The following TMPRSS15 variants were observed in gnomAD, a reference collection of about 807,000 sequenced individuals.
TMPRSS15 encodes transmembrane serine protease 15.
A neutral mutation model predicts 125.3 loss-of-function variants in TMPRSS15; 128 were observed. The ratio of observed to expected loss-of-function variants is 1.02; its 90% CI spans 0.89 to 1.18. The LOEUF is 1.18. TMPRSS15 is among the 50% of genes most tolerant of loss of function. The pLI, the probability that TMPRSS15 is intolerant of heterozygous loss-of-function variation, is 0.00. For missense variants in TMPRSS15, 1,283 were observed against 1,212.7 expected, an observed-to-expected ratio of 1.06 and a Z score of -0.86; for synonymous variants, 446 against 423.2, an observed-to-expected ratio of 1.05 and a Z score of -0.66.
rs540692575 is a variant in TMPRSS15, at chr21:18,275,384, G to T, written c.2765-48C>A. On this transcript the variant is annotated intron_variant, in intron 23 of 24. Transcript: ENST00000284885. Reference sequence around the variant, plus strand: ...CCAGCCAGTCAGAAGTGATCAACATGCATCCTTGAATGAACTACCATCAGT... The same window carrying T: ...CCAGCCAGTCAGAAGTGATCAACATTCATCCTTGAATGAACTACCATCAGT... 7.5e-6 allele frequency: 12 copies of T among 1,608,986 alleles called. 1 individual carries two copies. In the South Asian group the frequency reaches 1.3e-4, roughly 18 times the overall value.
At chr21:18,273,830 C>T (rs1199910048) in intron 24 of TMPRSS15, among the ~76,000 whole-genome samples, 4 of 152,122 alleles carry the variant, frequency 2.6e-5, no homozygotes, top group Non-Finnish European at 2.9e-5. Flanking sequence ...CTTGAATTTG[C>T]AAGCATTTAT....
intron 24 of TMPRSS15, 142 bp from the exon 25 acceptor site, chr21:18,270,266 A>C: frequency 3.0e-6 from 2 of 658,336 alleles, no homozygotes; most frequent in East Asian, 3.2e-5. Context: ...ATATATTCTC[A>C]CTTTCACTCT....
intron 13 of TMPRSS15, among the ~76,000 whole-genome samples, chr21:18,339,692 T>G (rs2146982677): frequency 6.6e-6 from 1 of 152,070 alleles, no homozygotes; most frequent in Non-Finnish European, 1.5e-5. Flanking sequence ...AAGCATTGTT[T>G]TTTTTGCATA....
At chr21:18,438,425 AT>A (rs1465303684) in intron 1 of TMPRSS15, among the ~76,000 whole-genome samples, 2 of 152,070 alleles carry the variant, frequency 1.3e-5, no homozygotes, top group Non-Finnish European at 2.9e-5. Context: ...ATGTATACAT[AT>A]GTAACTAACC....
Position 18,278,924 on chromosome 21 carries a change from G to GTTTT in TMPRSS15, c.2764+36_2764+39dup, listed in dbSNP as rs59972471. 3,419 of 439,300 alleles carry GTTTT rather than the reference G, an allele frequency of 7.8e-3. 37 individuals carry two copies. The highest frequency in any genetic ancestry group is 0.012 in the South Asian group (584 of 47,530). The allele number at this position is 439,300 out of a possible 1,614,324, so 27.2% of individuals were successfully genotyped here. ...TGACAGTCTGTTTTTCACCAGTAAG[G>GTTTT]TTTTTTTTTTTTTTTTTTTTTTTGA... On this transcript the variant is annotated intron_variant, in intron 23 of 24. Transcript: ENST00000284885.
chr21:18,363,621 C>T (rs1482874634), intron 7 of TMPRSS15, among the ~76,000 whole-genome samples: 3 of 152,168 alleles, frequency 2.0e-5, no homozygotes, highest in Middle Eastern at 3.4e-3. Flanking sequence ...TTTCTATTGA[C>T]ATTTTAAATA....
intron 1 of TMPRSS15, among the ~76,000 whole-genome samples, chr21:18,431,089 T>G (rs997764551): frequency 1.3e-5 from 2 of 152,116 alleles, no homozygotes; most frequent in African/African-American, 2.4e-5. Flanking sequence ...AATTAGCAAA[T>G]TGTCCAGATC....
chr21:18,480,586 G>A (rs1256675119), intron 1 of TMPRSS15, among the ~76,000 whole-genome samples: 1 of 151,826 alleles, frequency 6.6e-6, no homozygotes, highest in Non-Finnish European at 1.5e-5. Context: ...GATGGACTTT[G>A]AGTTCTTTTG....
chr21:18,380,639 AAAACAT>A (rs1440858713), intron 4 of TMPRSS15: 1 of 467,034 alleles, frequency 2.1e-6, no homozygotes, highest in African/African-American at 2.0e-5. Flanking sequence ...AATACATTAC[AAAACAT>A]TGAGTACACC....
At chr21:18,428,311 T>C (rs2076208188) in intron 1 of TMPRSS15, among the ~76,000 whole-genome samples, 1 of 152,046 alleles carries the variant, frequency 6.6e-6, no homozygotes. Flanking sequence ...GTTTGGAAAA[T>C]TTGCAGGCTG....
intron 14 of TMPRSS15, among the ~76,000 whole-genome samples, chr21:18,330,532 T>C (rs2075334193): frequency 6.6e-6 from 1 of 152,124 alleles, no homozygotes; most frequent in Non-Finnish European, 1.5e-5. Flanking sequence ...CTCCACAGAG[T>C]CCTGCCTTTA....
intron 13 of TMPRSS15, 119 bp downstream of exon 13, chr21:18,341,294 C>T: frequency 1.6e-6 from 2 of 1,267,696 alleles, no homozygotes; most frequent in Non-Finnish European, 1.1e-6. Flanking sequence ...TGGTCTCAAA[C>T]TCCTGGCTTC....
At chr21:18,301,891 C>A (rs1216070042) in intron 18 of TMPRSS15, among the ~76,000 whole-genome samples, 1 of 152,038 alleles carries the variant, frequency 6.6e-6, no homozygotes, top group Non-Finnish European at 1.5e-5. Flanking sequence ...TAGATGCAAC[C>A]ATTATTATTT....
intron 12 of TMPRSS15, 32 bp from the exon 13 acceptor site, chr21:18,341,580 G>T: frequency 1.2e-6 from 2 of 1,612,376 alleles, no homozygotes; most frequent in South Asian, 2.2e-5. Context: ...GAAACGATTT[G>T]ATTCCATTCT....
chr21:18,278,990 G>A lies in TMPRSS15; in HGVS notation c.2738C>T (p.Ala913Val), dbSNP rs73320125. 0.014 allele frequency: 20,254 copies of A among 1,484,474 alleles called. 1,034 individuals carry two copies. In the African/African-American group the frequency reaches 0.17, roughly 13 times the overall value. The allele number at this position is 1,484,474 out of a possible 1,614,324, so 92.0% of individuals were successfully genotyped here. The change falls in exon 23 of 25, where the codon GCT becomes GTT. Residue 913 changes from alanine to valine, a missense_variant. Coordinates refer to ENST00000284885, the MANE Select transcript of TMPRSS15 (RefSeq NM_002772.3). ...TTGATATACAACCGTCCCCCAACCA[G>A]CAATAGAACAATTTCTTCCTGGAGG... ...VFPPGRNCSI[A>V]GWGTVVYQGT...
At chr21:18,459,576 A>G (rs931969938) in intron 1 of TMPRSS15, among the ~76,000 whole-genome samples, 69 of 152,264 alleles carry the variant, frequency 4.5e-4, no homozygotes, top group African/African-American at 1.6e-3. Flanking sequence ...TCTTAAGTCA[A>G]TATCTCATGT....
chr21:18,419,436 C>T (rs2076187547), intron 1 of TMPRSS15, among the ~76,000 whole-genome samples: 1 of 151,830 alleles, frequency 6.6e-6, no homozygotes, highest in Non-Finnish European at 1.5e-5. Flanking sequence ...CGTGTTAGAC[C>T]GGATGGTCTC....
chr21:18,331,940 G>T, intron 14 of TMPRSS15, 144 bp downstream of exon 14: 1 of 708,052 alleles, frequency 1.4e-6, no homozygotes, highest in Non-Finnish European at 2.5e-6. Context: ...TGTTATTTTT[G>T]TTGTTATATT....
At chr21:18,312,037 C>G (rs1439690634) in intron 18 of TMPRSS15, among the ~76,000 whole-genome samples, 1 of 151,894 alleles carries the variant, frequency 6.6e-6, no homozygotes, top group Non-Finnish European at 1.5e-5. Context: ...CTTTATAGAC[C>G]TCATAGTTTA....
Sources: allele counts gnomAD v4.1 joint callset (sites outside exome capture counted in the v4.1 genomes callset), GRCh38; gene constraint gnomAD v4.1.1; transcripts MANE v1.5; gene names NCBI Gene and HGNC (gene_info 2026-07-23, HGNC 2026-07-21).